Variants in DDB1 observed in about 807,000 individuals in gnomAD.
DDB1 encodes the protein damage specific DNA binding protein 1, also known as DNA damage-binding protein 1.
A neutral mutation model predicts 133.1 loss-of-function variants in DDB1; 18 were observed. That is an observed-to-expected ratio of 0.14 (90% CI 0.09 to 0.20). DDB1 has a LOEUF of 0.20. DDB1 is among the 10% of genes least tolerant of loss of function. The pLI is 1.00. For synonymous variants in DDB1, 580 were observed against 550.5 expected (o/e 1.05, Z -0.75); for missense variants, 828 against 1,459.2 (o/e 0.57, Z 7.05).
chr11:61,329,674 G>C, intron 3 of DDB1, 90 bp from the exon 4 acceptor site: 5 of 1,269,034 alleles, frequency 3.9e-6, no homozygotes, highest in Non-Finnish European at 5.5e-6. Flanking sequence ...AAAATTTTAG[G>C]AGAGGTATTA....
chr11:61,315,624 G>C (rs552205199), intron 12 of DDB1: 4 of 152,440 alleles, frequency 2.6e-5, no homozygotes, highest in South Asian at 4.1e-4. Flanking sequence ...TCTGGCCACA[G>C]AGTGAAGAAC....
rs753352620 is a variant in DDB1 at position 61,310,371 on chromosome 11, A to C, written c.2325T>G (p.Thr775=). The C allele has an allele frequency of 4.3e-6, 7 of 1,613,324 alleles. No individual in the cohort carries two copies. The highest frequency in any genetic ancestry group is 5.9e-6 in the Non-Finnish European group (7 of 1,179,764). Residue 775 remains threonine, a synonymous_variant, in exon 19 of 27, where the codon ACT becomes ACG. Transcript: ENST00000301764. ...CTCCAAAGGAGGTCTCATGAGGAGCAGTGCTGCTGGAGAACAGCTTGCTGG... is the reference window on the plus strand; with the variant it reads ...CTCCAAAGGAGGTCTCATGAGGAGCCGTGCTGCTGGAGAACAGCTTGCTGG... ...VSSSKLFSSS[T]APHETSFGEE... is the part of the protein sequence containing the mutation.
rs999566980 is a variant in DDB1, at chr11:61,300,061, G to A, written c.*75C>T. 37 of 1,480,976 alleles carry A rather than the reference G, an allele frequency of 2.5e-5. No individual in the cohort carries two copies. The highest frequency in any genetic ancestry group is 1.5e-4 in the South Asian group (13 of 87,836). The allele number at this position is 1,480,976 out of a possible 1,614,324, so 91.7% of individuals were successfully genotyped here. On this transcript the variant is annotated 3_prime_UTR_variant, in exon 27 of 27. Transcript: ENST00000301764. ...AAAGGCCTCCCATGGCCAAGAAGAC[G>A]ATGGTGGAGAGGAGGGGGAGGGCAG...
chr11:61,305,975 T>C (rs1164588250), intron 21 of DDB1, among the ~76,000 whole-genome samples: 1 of 152,252 alleles, frequency 6.6e-6, no homozygotes, highest in Non-Finnish European at 1.5e-5. Flanking sequence ...AATGCTAATA[T>C]TTTAGATATT....
intron 20 of DDB1, among the ~76,000 whole-genome samples, chr11:61,309,396 T>C (rs1590683506): frequency 6.6e-6 from 1 of 152,318 alleles, no homozygotes; most frequent in Admixed American, 6.5e-5. Context: ...AGAGCCATCT[T>C]GGGTGGGTGT....
At chr11:61,311,463 C>A in intron 18 of DDB1, 2 of 256,870 alleles carry the variant, frequency 7.8e-6, no homozygotes, top group Non-Finnish European at 1.4e-5. Context: ...AACAAACAAA[C>A]AAACCTGGAA....
intron 10 of DDB1, 143 bp from the exon 11 acceptor site, chr11:61,316,710 C>T: frequency 1.2e-6 from 1 of 862,808 alleles, no homozygotes; most frequent in East Asian, 2.6e-5. Context: ...CTGCTTGGAA[C>T]CAGGAGTTCT....
rs753254620 is a variant in DDB1, at chr11:61,329,541, A to C, written c.371T>G (p.Ile124Ser). Residue 124 changes from isoleucine (I) to serine (S), a missense_variant, in exon 4 of 27, where the codon ATT becomes AGT. By Grantham distance (142) the Ile-to-Ser change is moderately radical. Around this residue, in one of 7 missense-constraint regions of DDB1, gnomAD observed 210 missense variants for 344.8 expected, o/e 0.61. Transcript: ENST00000301764. ...RPSETGIIGI[I>S]DPECRMIGLR... is the part of the protein sequence containing the mutation. ...GCCAATCATCCGGCACTCAGGGTCA[A>C]TGATGCCAATAATGCCGGTCTCTGA... The C allele has an allele frequency of 5.0e-6, 8 of 1,614,072 alleles. No individual in the cohort carries two copies. Among genetic ancestry groups the C allele is most frequent in the Non-Finnish European group, 4.2e-6 (5 of 1,180,028 alleles).
At chr11:61,320,193 T>G (rs1438887948) in intron 10 of DDB1, among the ~76,000 whole-genome samples, 2 of 151,970 alleles carry the variant, frequency 1.3e-5, no homozygotes, top group African/African-American at 4.8e-5. Flanking sequence ...CATATACTTC[T>G]CTTTTCTTTT....
intron 15 of DDB1, 32 bp from the exon 16 acceptor site, chr11:61,313,738 G>A (rs963559079): frequency 2.5e-6 from 4 of 1,583,472 alleles, no homozygotes; most frequent in Non-Finnish European, 3.4e-6. Flanking sequence ...GAGAAAGGAA[G>A]AAAGAAAACA....
Position 61,326,787 on chromosome 11 carries a change from A to C in DDB1, c.656T>G (p.Val219Gly). Residue 219 changes from valine (V) to glycine (G), a missense_variant, in exon 5 of 27, where the codon GTG becomes GGG. By Grantham distance (109) the Val-to-Gly change is moderately radical. Transcript: ENST00000301764. ...CTAAACCCCCTACCAACCTGCGATC[A>C]CCATGGAAGCTTCAGCTTCGACATT... is the stretch of plus-strand genomic sequence containing the variant. ...QENVEAEASM[V>G]IAVPEPFGGA... 1 of 1,614,120 alleles carries C rather than the reference A, an allele frequency of 6.2e-7. No individual in the cohort carries two copies. The highest frequency in any genetic ancestry group is 8.5e-7 in the Non-Finnish European group (1 of 1,179,960).
intron 21 of DDB1, among the ~76,000 whole-genome samples, chr11:61,305,246 C>T (rs1350434582): frequency 2.0e-5 from 3 of 152,264 alleles, no homozygotes; most frequent in African/African-American, 7.2e-5. Context: ...CAGTGGCTTA[C>T]GCCTGTAATC....
rs1269028368 is a variant in DDB1, at chr11:61,329,454, T to C, written c.458A>G (p.Lys153Arg). Residue 153 changes from lysine to arginine, a missense_variant, in exon 4 of 27, where the codon AAG becomes AGG. Physicochemically the swap from Lys to Arg is conservative, Grantham distance 26 (BLOSUM62 2). Transcript: ENST00000301764. ...IPLDRDNKEL[K>R]AFNIRLEELH... ...CTCCTCCAGGCGGATGTTGAAGGCC[T>C]TGAGTTCTTTATTATCGCGATCTAG... is the stretch of plus-strand genomic sequence containing the variant. 12 of 1,614,200 alleles carry C rather than the reference T, an allele frequency of 7.4e-6. No homozygotes were observed. Among genetic ancestry groups the C allele is most frequent in the Non-Finnish European group, 1.0e-5 (12 of 1,180,048 alleles).
chr11:61,326,046 C>G, intron 5 of DDB1: 1 of 357,372 alleles, frequency 2.8e-6, no homozygotes, highest in South Asian at 2.7e-5. Flanking sequence ...ACTTTTTTTT[C>G]CTGGTTTCCA....
chr11:61,319,616 G>A (rs963338342), intron 10 of DDB1, among the ~76,000 whole-genome samples: 2 of 152,080 alleles, frequency 1.3e-5, no homozygotes, highest in East Asian at 3.9e-4. Context: ...TATTTTAGTA[G>A]AGATGGGGTT....
intron 21 of DDB1, among the ~76,000 whole-genome samples, chr11:61,308,421 C>A (rs142267775): frequency 6.6e-6 from 1 of 152,230 alleles, no homozygotes; most frequent in East Asian, 1.9e-4. Context: ...CAGTCCTGCA[C>A]CCCTTTTACT....
intron 9 of DDB1, 175 bp downstream of exon 9, chr11:61,322,121 C>T: frequency 1.5e-6 from 1 of 648,598 alleles, no homozygotes; most frequent in Non-Finnish European, 2.8e-6. Flanking sequence ...TATAAAGTGC[C>T]TGGCAGACCA....
chr11:61,299,951 A>T lies in DDB1; in HGVS notation c.*185T>A. On this transcript the variant is annotated 3_prime_UTR_variant, in exon 27 of 27. Transcript: ENST00000301764. ...TAAAAATCCAGGGAGAAAATGTTTC[A>T]CCTTCAGCTCATTCCCAAGTCTCTA... 1.7e-6 allele frequency: 1 copy of T among 605,054 alleles called. No homozygotes were observed. Among genetic ancestry groups the T allele is most frequent in the Middle Eastern group, 4.4e-4 (1 of 2,254 alleles). 37.5% of individuals were successfully genotyped at this position (605,054 alleles called of 1,614,324 possible).
At chr11:61,302,016 T>C (rs1855803860) in intron 25 of DDB1, 1 of 395,280 alleles carries the variant, frequency 2.5e-6, no homozygotes, top group Non-Finnish European at 4.7e-6. Context: ...GGAATATAAA[T>C]GTACATTTCC....
Sources: allele counts gnomAD v4.1 joint callset (sites outside exome capture counted in the v4.1 genomes callset), GRCh38; gene constraint gnomAD v4.1.1; regional missense constraint gnomAD v4.1.1; transcripts MANE v1.5; gene names NCBI Gene and HGNC (gene_info 2026-07-23, HGNC 2026-07-21).